The following ATXN7L1 variants were observed in gnomAD, a reference collection of about 807,000 sequenced individuals.
ATXN7L1 encodes the protein ataxin 7 like 1.
In ATXN7L1, 15 loss-of-function variants were observed where a neutral mutation model predicts 70.8. The observed-to-expected ratio is 0.21, with a 90% CI of 0.14 to 0.33. The LOEUF (loss-of-function observed/expected upper bound fraction) is 0.33, where lower values mean the gene tolerates loss of function less well. Ranked by LOEUF, ATXN7L1 falls within the 10% of genes least tolerant of loss-of-function variation. The pLI is 1.00. For synonymous variants in ATXN7L1, 440 were observed against 445.1 expected (o/e 0.99, Z 0.14); for missense variants, 975 against 1,097.1 (o/e 0.89, Z 1.57).
At chr7:105,702,297 G>A (rs545463740) in intron 3 of ATXN7L1, among the ~76,000 whole-genome samples, 4 of 152,304 alleles carry the variant, frequency 2.6e-5, no homozygotes, top group South Asian at 2.1e-4. Context: ...ACCCTATGGG[G>A]ACTGGTACAG....
intron 3 of ATXN7L1, among the ~76,000 whole-genome samples, chr7:105,707,683 A>G (rs1793353618): frequency 6.6e-6 from 1 of 152,232 alleles, no homozygotes; most frequent in Non-Finnish European, 1.5e-5. Flanking sequence ...CCCTGCGAAC[A>G]TGACCTCCTG....
chr7:105,866,039 C>T (rs544156193), intron 2 of ATXN7L1, among the ~76,000 whole-genome samples: 67 of 152,262 alleles, frequency 4.4e-4, no homozygotes, highest in African/African-American at 9.2e-4. Context: ...ATCTTCCATA[C>T]CCCTGGAATG....
At chr7:105,804,173 C>T (rs577925434) in intron 2 of ATXN7L1, among the ~76,000 whole-genome samples, 1 of 152,334 alleles carries the variant, frequency 6.6e-6, no homozygotes, top group South Asian at 2.1e-4. Context: ...TGTCAGGTCC[C>T]TCAGGGTGTC....
chr7:105,702,341 C>T (rs62487045), intron 3 of ATXN7L1, among the ~76,000 whole-genome samples: 12,706 of 152,222 alleles, frequency 0.083, 650 homozygotes, highest in Non-Finnish European at 0.12. Flanking sequence ...TGGGTTTGTT[C>T]TCTTTATTCT....
At chr7:105,782,401 TA>T (rs1473432849) in intron 3 of ATXN7L1, among the ~76,000 whole-genome samples, 1 of 152,194 alleles carries the variant, frequency 6.6e-6, no homozygotes, top group Non-Finnish European at 1.5e-5. Flanking sequence ...GGGAGAAGTT[TA>T]AAAAGTGTCT....
chr7:105,624,710 T>C (rs1400777458), intron 7 of ATXN7L1, among the ~76,000 whole-genome samples: 1 of 148,000 alleles, frequency 6.8e-6, no homozygotes, highest in East Asian at 2.0e-4. Context: ...GGCACATTGG[T>C]GGTGACTTTG....
intron 3 of ATXN7L1, among the ~76,000 whole-genome samples, chr7:105,708,249 CCT>C (rs1275477027): frequency 6.6e-6 from 1 of 152,166 alleles, no homozygotes; most frequent in Non-Finnish European, 1.5e-5. Flanking sequence ...AAGTTACTAA[CCT>C]CTCGGGCCTC....
At chr7:105,759,800 T>G (rs1800310196) in intron 3 of ATXN7L1, among the ~76,000 whole-genome samples, 1 of 152,242 alleles carries the variant, frequency 6.6e-6, no homozygotes, top group Admixed American at 6.5e-5. Context: ...TGTCAGCACC[T>G]GCTGGCAGCA....
intron 3 of ATXN7L1, among the ~76,000 whole-genome samples, chr7:105,776,991 A>C (rs1802831475): frequency 6.6e-6 from 1 of 152,020 alleles, no homozygotes; most frequent in Non-Finnish European, 1.5e-5. Context: ...GCTGGTCTGG[A>C]ACTCTTGACC....
At chr7:105,844,998 A>G (rs763584275) in intron 2 of ATXN7L1, among the ~76,000 whole-genome samples, 4 of 152,094 alleles carry the variant, frequency 2.6e-5, no homozygotes, top group Non-Finnish European at 5.9e-5. Flanking sequence ...TGAGGTCAGA[A>G]GTTTGAGACC....
At chr7:105,844,899 G>T (rs1813744029) in intron 2 of ATXN7L1, among the ~76,000 whole-genome samples, 1 of 152,066 alleles carries the variant, frequency 6.6e-6, no homozygotes. Flanking sequence ...CGGAATAAAA[G>T]AACATACATA....
chr7:105,819,046 C>T (rs879660324), intron 2 of ATXN7L1, among the ~76,000 whole-genome samples: 4 of 151,804 alleles, frequency 2.6e-5, no homozygotes, highest in Non-Finnish European at 4.4e-5. Context: ...CCCCCACCCC[C>T]GGAGAGACCC....
chr7:105,846,168 T>G (rs892707257), intron 2 of ATXN7L1, among the ~76,000 whole-genome samples: 6 of 152,126 alleles, frequency 3.9e-5, no homozygotes, highest in Admixed American at 1.3e-4. Flanking sequence ...TATAATTTCT[T>G]ATACATATCC....
chr7:105,847,007 T>C (rs1814155046), intron 2 of ATXN7L1, among the ~76,000 whole-genome samples: 1 of 152,238 alleles, frequency 6.6e-6, no homozygotes, highest in Non-Finnish European at 1.5e-5. Context: ...CTTTCGGGAC[T>C]AACAGATATG....
chr7:105,860,793 C>T (rs1183313060), intron 2 of ATXN7L1, among the ~76,000 whole-genome samples: 6 of 152,130 alleles, frequency 3.9e-5, no homozygotes, highest in Admixed American at 6.5e-5. Context: ...GATGCTTAGT[C>T]GAACTATAAC....
intron 3 of ATXN7L1, among the ~76,000 whole-genome samples, chr7:105,766,983 G>A (rs1003109085): frequency 1.3e-5 from 2 of 152,230 alleles, no homozygotes; most frequent in Non-Finnish European, 2.9e-5. Context: ...TTCTGAAGAC[G>A]TGTGCAGCAG....
intron 7 of ATXN7L1, among the ~76,000 whole-genome samples, chr7:105,625,007 C>A (rs888770412): frequency 6.6e-6 from 1 of 152,170 alleles, no homozygotes; most frequent in Non-Finnish European, 1.5e-5. Context: ...ACAGGAAGAT[C>A]AACCAGGTAA....
chr7:105,678,865 C>G (rs1332289985), intron 3 of ATXN7L1, among the ~76,000 whole-genome samples: 1 of 152,230 alleles, frequency 6.6e-6, no homozygotes, highest in Non-Finnish European at 1.5e-5. Context: ...CTCCCCGCTC[C>G]CCGCCTCAGC....
At chr7:105,665,718 C>A (rs1802506990) in intron 3 of ATXN7L1, among the ~76,000 whole-genome samples, 1 of 152,214 alleles carries the variant, frequency 6.6e-6, no homozygotes, top group African/African-American at 2.4e-5. Context: ...ACAGGAAACT[C>A]TTGAACCTGA....
Sources: gnomAD v4.1 joint callset for allele counts (sites outside exome capture counted in the v4.1 genomes callset) on GRCh38, gnomAD v4.1.1 for gene constraint, MANE v1.5 for transcripts, NCBI Gene and HGNC (gene_info 2026-07-23, HGNC 2026-07-21) for gene names.